The following PLEKHS1 variants were observed in gnomAD, a reference collection of about 807,000 sequenced individuals.
PLEKHS1 encodes the protein pleckstrin homology domain containing S1.
Under a neutral mutation model 51.0 loss-of-function variants are expected in PLEKHS1, and 55 were observed. The observed-to-expected ratio is 1.08, with a 90% CI of 0.87 to 1.35. The LOEUF (loss-of-function observed/expected upper bound fraction) is 1.35, where lower values mean the gene tolerates loss of function less well. PLEKHS1 is among the 40% of genes most tolerant of loss of function. The pLI is 0.00. For synonymous variants in PLEKHS1, 153 were observed against 144.8 expected (o/e 1.06, Z -0.41); for missense variants, 398 against 423.0 (o/e 0.94, Z 0.52).
At chr10:113,765,894 A>G (rs1844138930) in intron 2 of PLEKHS1, among the ~76,000 whole-genome samples, 1 of 152,230 alleles carries the variant, frequency 6.6e-6, no homozygotes, top group Non-Finnish European at 1.5e-5. Context: ...AAGATTTGGT[A>G]ATACAGTATT....
At chr10:113,755,060 T>G (rs1479874179) in intron 1 of PLEKHS1, among the ~76,000 whole-genome samples, 199 bp from the exon 2 acceptor site, 1 of 152,148 alleles carries the variant, frequency 6.6e-6, no homozygotes, top group Non-Finnish European at 1.5e-5. Context: ...GCTGCTTAGA[T>G]GTGTCCCCGT....
At chr10:113,775,707 A>G (rs1209891808) in intron 10 of PLEKHS1, 58 bp from the exon 11 acceptor site, 1 of 1,179,236 alleles carries the variant, frequency 8.5e-7, no homozygotes, top group Admixed American at 1.9e-5. Flanking sequence ...CTCAGAAAGT[A>G]CAGTTGAGAG....
At chr10:113,772,896 G>T (rs535167548) in intron 8 of PLEKHS1, among the ~76,000 whole-genome samples, 37 of 152,304 alleles carry the variant, frequency 2.4e-4, no homozygotes, top group African/African-American at 7.9e-4. Flanking sequence ...TAGGGGAAGC[G>T]ATGGCTTCTG....
exon 12 of PLEKHS1, chr10:113,781,620 A>C (rs1460702321): frequency 3.3e-5 from 2 of 61,180 alleles, no homozygotes; most frequent in African/African-American, 1.5e-4. Flanking sequence ...CTTCCCCAAC[A>C]CCTCCTTCCC....
intron 1 of PLEKHS1, among the ~76,000 whole-genome samples, chr10:113,754,051 G>A (rs528696861): frequency 2.5e-4 from 38 of 152,098 alleles, no homozygotes; most frequent in African/African-American, 9.2e-4. Flanking sequence ...CAAACAATCC[G>A]CCCACCTCAA....
chr10:113,777,148 A>C, intron 11 of PLEKHS1: 1 of 1,612,612 alleles, frequency 6.2e-7, no homozygotes, highest in Non-Finnish European at 8.5e-7. Flanking sequence ...AAGGCCCCCC[A>C]CGTTTGGGAT....
At chr10:113,771,746 G>A (rs574679282) in intron 7 of PLEKHS1, among the ~76,000 whole-genome samples, 31 of 151,450 alleles carry the variant, frequency 2.0e-4, no homozygotes, top group Middle Eastern at 3.4e-3. Flanking sequence ...TGTTCCAAAC[G>A]GTAGAGAAAA....
chr10:113,753,314 T>C (rs1459430290), intron 1 of PLEKHS1, among the ~76,000 whole-genome samples: 1 of 152,178 alleles, frequency 6.6e-6, no homozygotes, highest in Non-Finnish European at 1.5e-5. Flanking sequence ...TCCTTGAAAC[T>C]GGAAAGAACC....
chr10:113,770,031 C>A, intron 7 of PLEKHS1, 131 bp downstream of exon 7: 1 of 726,464 alleles, frequency 1.4e-6, no homozygotes, highest in Non-Finnish European at 2.4e-6. Flanking sequence ...AAGAAAGATT[C>A]TTAGCCCTGA....
At chr10:113,755,413 G>C in intron 2 of PLEKHS1, 108 bp downstream of exon 2, 1 of 1,442,346 alleles carries the variant, frequency 6.9e-7, no homozygotes, top group Non-Finnish European at 9.1e-7. Context: ...TGTGTATGTT[G>C]TTTTGTTTTG....
intron 2 of PLEKHS1, among the ~76,000 whole-genome samples, chr10:113,759,258 G>A (rs900730050): frequency 1.3e-5 from 2 of 152,116 alleles, no homozygotes; most frequent in South Asian, 4.1e-4. Flanking sequence ...ACAAATATTA[G>A]CCAGGTGTGA....
intron 7 of PLEKHS1, 78 bp from the exon 8 acceptor site, chr10:113,771,892 C>T (rs1844427491): frequency 6.1e-5 from 92 of 1,506,326 alleles, no homozygotes; most frequent in South Asian, 5.3e-4. Context: ...TAATTTATTA[C>T]GGCTTTTCTA....
chr10:113,779,826 T>C (rs941823975), intron 11 of PLEKHS1, among the ~76,000 whole-genome samples: 4 of 152,222 alleles, frequency 2.6e-5, no homozygotes, highest in Admixed American at 2.0e-4. Flanking sequence ...CCCTTTCTAA[T>C]TGATAACAGC....
chr10:113,756,544 A>G (rs1854123955), intron 2 of PLEKHS1, among the ~76,000 whole-genome samples: 1 of 152,200 alleles, frequency 6.6e-6, no homozygotes, highest in Non-Finnish European at 1.5e-5. Flanking sequence ...TGTGATGGAA[A>G]TCATGAAATA....
intron 1 of PLEKHS1, among the ~76,000 whole-genome samples, chr10:113,753,471 T>C (rs1205231377): frequency 2.0e-5 from 3 of 152,232 alleles, no homozygotes; most frequent in Non-Finnish European, 4.4e-5. Flanking sequence ...CCTCAATAGC[T>C]TGGCATCTTT....
chr10:113,768,886 C>T (rs773017958), exon 6 of PLEKHS1: 2 of 1,612,060 alleles, frequency 1.2e-6, no homozygotes, highest in African/African-American at 2.7e-5. Context: ...CAGCAGAACA[C>T]AGAGGTGACT....
chr10:113,769,937 T>C (rs985564418), intron 7 of PLEKHS1, 37 bp downstream of exon 7: 5 of 1,465,314 alleles, frequency 3.4e-6, no homozygotes, highest in Middle Eastern at 1.7e-4. Flanking sequence ...ACACCACACC[T>C]GGGAGGCAGC....
At chr10:113,777,319 G>C in intron 11 of PLEKHS1, 60 bp downstream of exon 12, 2 of 1,607,370 alleles carry the variant, frequency 1.2e-6, no homozygotes, top group Non-Finnish European at 8.5e-7. Flanking sequence ...AAAAGATCAG[G>C]GTCTTAGATG....
intron 9 of PLEKHS1, 45 bp downstream of exon 9, chr10:113,774,378 T>C: frequency 9.0e-7 from 1 of 1,112,884 alleles, no homozygotes; most frequent in African/African-American, 1.6e-5. Flanking sequence ...GCTCATCTGC[T>C]GTTAAGGAAC....
Sources: allele counts gnomAD v4.1 joint callset (sites outside exome capture counted in the v4.1 genomes callset), GRCh38; gene constraint gnomAD v4.1.1; transcripts MANE v1.5; gene names NCBI Gene and HGNC (gene_info 2026-07-23, HGNC 2026-07-21).